Variants in ST7L observed in about 807,000 individuals in gnomAD.
ST7L encodes the protein suppression of tumorigenicity 7 like, also known as suppressor of tumorigenicity 7 protein-like.
ST7L carries 57 observed loss-of-function variants against 72.5 expected under a neutral mutation model. The observed-to-expected ratio is 0.79, with a 90% CI of 0.64 to 0.98. The LOEUF (loss-of-function observed/expected upper bound fraction) is 0.98. ST7L is among the 50% of genes least tolerant of loss of function. The pLI is 0.00. For synonymous variants in ST7L, 221 were observed against 240.9 expected (o/e 0.92, Z 0.77); for missense variants, 576 against 672.2 (o/e 0.86, Z 1.58).
intron 2 of ST7L, among the ~76,000 whole-genome samples, chr1:112,612,209 C>CA (rs1360601420): frequency 6.6e-6 from 1 of 151,930 alleles, no homozygotes; most frequent in Non-Finnish European, 1.5e-5. Context: ...GTGATCATCC[C>CA]ACCTCAGCCT....
At chr1:112,570,760 TAGCAAAAACAGCC>T (rs1283717760) in intron 11 of ST7L, 1 of 456,398 alleles carries the variant, frequency 2.2e-6, no homozygotes, top group Non-Finnish European at 4.4e-6. Flanking sequence ...TGTAAAACCC[TAGCAAAAACAGCC>T]AGTCACAAAT....
At chr1:112,548,760 G>A (rs182315731) in intron 13 of ST7L, among the ~76,000 whole-genome samples, 5 of 152,300 alleles carry the variant, frequency 3.3e-5, no homozygotes, top group African/African-American at 1.2e-4. Flanking sequence ...AAATTTACTA[G>A]TTTACAGAGG....
rs143949321 is a variant in ST7L, at chr1:112,546,674, T to G, written c.1489+3927A>C. 1.4e-3 allele frequency among the ~76,000 whole-genome samples: 217 copies of G among 152,322 alleles called. 1 individual carries two copies. Among genetic ancestry groups the G allele is most frequent in the African/African-American group, 4.9e-3 (204 of 41,576 alleles). On this transcript the variant is annotated intron_variant, in intron 13 of 14. Coordinates refer to ENST00000358039, the MANE Select transcript of ST7L (RefSeq NM_017744.5). ...TCTAGTCCCCAGTTCTAGTCCCTTA[T>G]GAAGTCCAAATATAATTGTTGCTAT...
chr1:112,611,108 T>C (rs1669002953), intron 2 of ST7L, 105 bp from the exon 3 acceptor site: 1 of 1,081,172 alleles, frequency 9.2e-7, no homozygotes, highest in Non-Finnish European at 1.3e-6. Flanking sequence ...GCATTTTAAA[T>C]GCACTCTCCT....
At chr1:112,597,085 T>C (rs1666597435) in intron 5 of ST7L, among the ~76,000 whole-genome samples, 1 of 152,324 alleles carries the variant, frequency 6.6e-6, no homozygotes, top group South Asian at 2.1e-4. Context: ...GAAAGCAATA[T>C]AATAACATTA....
At chr1:112,564,741 C>G (rs1236376823) in intron 11 of ST7L, among the ~76,000 whole-genome samples, 1 of 147,952 alleles carries the variant, frequency 6.8e-6, no homozygotes, top group Non-Finnish European at 1.5e-5. Context: ...TGCTTGAACC[C>G]AGGAGGCGGA....
At chr1:112,569,233 T>C (rs116316335) in intron 11 of ST7L, among the ~76,000 whole-genome samples, 253 of 152,310 alleles carry the variant, frequency 1.7e-3, no homozygotes, top group East Asian at 3.9e-3. Context: ...CTTGAGAGAA[T>C]TGAAAAATTT....
chr1:112,594,997 G>A (rs981576125), intron 5 of ST7L, among the ~76,000 whole-genome samples: 1 of 152,110 alleles, frequency 6.6e-6, no homozygotes, highest in Non-Finnish European at 1.5e-5. Context: ...ATGAAATAAT[G>A]ATAATAAAAT....
chr1:112,581,547 C>CA (rs1664121938), intron 9 of ST7L, among the ~76,000 whole-genome samples: 1 of 151,962 alleles, frequency 6.6e-6, no homozygotes, highest in Admixed American at 6.6e-5. Context: ...TACAGGTACA[C>CA]ACCACCAAAC....
intron 12 of ST7L, among the ~76,000 whole-genome samples, chr1:112,551,563 T>C (rs1266676102): frequency 2.0e-5 from 3 of 152,236 alleles, no homozygotes; most frequent in Non-Finnish European, 4.4e-5. Flanking sequence ...GCCATTCATT[T>C]ACATATTGGC....
chr1:112,520,195 A>C, downstream of ST7L: 3 of 1,367,096 alleles, frequency 2.2e-6, no homozygotes, highest in East Asian at 2.5e-5. Context: ...GATTCTTTTT[A>C]TCTTCCTTCT....
In ST7L at chr1:112,557,403, T is replaced by A. The variant is rs189314260; in HGVS notation, c.1246-1385A>T. Among the ~76,000 whole-genome samples, 10 of 152,362 alleles carry A rather than the reference T, an allele frequency of 6.6e-5. No individual in the cohort carries two copies. The East Asian group carries it at 1.9e-3, about 29-fold the overall frequency. Reference sequence around the variant, plus strand: ...TTCAAGGTTCACCCAGTTTGTAGCATGCATGGGTACTTGTGCCTCATTTCT... The same window carrying A: ...TTCAAGGTTCACCCAGTTTGTAGCAAGCATGGGTACTTGTGCCTCATTTCT... On this transcript the variant is annotated intron_variant, in intron 11 of 14. Coordinates refer to ENST00000358039, the MANE Select transcript of ST7L (RefSeq NM_017744.5).
chr1:112,580,428 C>T (rs1007122566), intron 9 of ST7L, among the ~76,000 whole-genome samples: 14 of 152,194 alleles, frequency 9.2e-5, no homozygotes, highest in African/African-American at 3.1e-4. Context: ...GTTGGAATTA[C>T]AGGCATGAGC....
chr1:112,617,756 C>CACACAT (rs1553176384), intron 1 of ST7L, among the ~76,000 whole-genome samples: 1 of 145,538 alleles, frequency 6.9e-6, no homozygotes, highest in Non-Finnish European at 1.5e-5. Context: ...CACACACACA[C>CACACAT]GAAACGTAAA....
intron 2 of ST7L, among the ~76,000 whole-genome samples, chr1:112,615,680 A>G (rs1669759030): frequency 6.6e-6 from 1 of 152,048 alleles, no homozygotes; most frequent in Non-Finnish European, 1.5e-5. Flanking sequence ...GTGAGACTCC[A>G]TCTCAATTTT....
At position 112,554,125 on chromosome 1, in the gene ST7L, G is replaced by A. The variant is rs975335174; in HGVS notation, c.1396+1743C>T. 5.3e-5 allele frequency among the ~76,000 whole-genome samples: 8 copies of A among 152,234 alleles called. 1 individual carries two copies. The East Asian group carries it at 5.8e-4, about 11-fold the overall frequency. On this transcript the variant is annotated intron_variant, in intron 12 of 14. Transcript: ENST00000358039. The stretch of plus-strand genomic sequence containing the variant: ...CTCAGAGTAGTTTGGGAACTGAGGC[G>A]GGTTAACCAATTTTAGTGAATAAGC...
At chr1:112,520,421 G>A (rs1176208766), downstream of ST7L, 1 of 1,614,202 alleles carries the variant, frequency 6.2e-7, no homozygotes, top group Non-Finnish European at 8.5e-7. Flanking sequence ...CACTGGTGCT[G>A]TGCTGTACGG....
chr1:112,618,886 C>T (rs750059408), intron 1 of ST7L, 23 bp downstream of exon 1: 13 of 1,551,596 alleles, frequency 8.4e-6, no homozygotes, highest in Non-Finnish European at 1.1e-5. Context: ...CCCGCCCTGC[C>T]CCAGGAGGTC....
At chr1:112,521,032 T>C (rs530343065), downstream of ST7L, 34 of 157,120 alleles carry the variant, frequency 2.2e-4, no homozygotes, top group Non-Finnish European at 3.9e-4. Flanking sequence ...GCCTGAGATG[T>C]TAGCCATAGT....
Sources: allele counts gnomAD v4.1 joint callset (sites outside exome capture counted in the v4.1 genomes callset), GRCh38; gene constraint gnomAD v4.1.1; transcripts MANE v1.5; gene names NCBI Gene and HGNC (gene_info 2026-07-23, HGNC 2026-07-21).